The following PCSK5 variants were observed in gnomAD, a reference collection of about 807,000 sequenced individuals.
PCSK5 encodes the protein prohormone convertase 5.
Under a neutral mutation model 233.2 loss-of-function variants are expected in PCSK5, and 129 were observed. The ratio of observed to expected loss-of-function variants is 0.55; its 90% confidence interval spans 0.48 to 0.64. The LOEUF is 0.64. Ranked by LOEUF, PCSK5 falls within the 30% of genes least tolerant of loss-of-function variation. PCSK5 has a pLI of 0.00. For missense variants in PCSK5, 2,076 were observed against 2,430.1 expected (o/e 0.85, Z 3.06); for synonymous variants, 825 against 879.2 (o/e 0.94, Z 1.09).
intron 10 of PCSK5, among the ~76,000 whole-genome samples, chr9:76,146,338 G>A (rs1159244301): frequency 1.3e-5 from 2 of 151,360 alleles, no homozygotes; most frequent in Non-Finnish European, 3.0e-5. Context: ...AAAAAAAATA[G>A]CCAAAGCGTG....
intron 5 of PCSK5, among the ~76,000 whole-genome samples, chr9:76,067,046 G>T (rs1339981289): frequency 6.6e-6 from 1 of 152,124 alleles, no homozygotes; most frequent in Non-Finnish European, 1.5e-5. Flanking sequence ...GGTCAGTCTT[G>T]GTGTTCTTTC....
In PCSK5 at chr9:76,323,287, A is replaced by T; in HGVS notation, c.4338A>T (p.Arg1446Ser). Residue 1446 changes from arginine (R) to serine (S), a missense_variant and splice_region_variant, in exon 32 of 38, where the codon AGA (arginine) becomes AGT (serine). Physicochemically the swap from Arg to Ser is moderately radical, Grantham distance 110 (BLOSUM62 -1). Coordinates refer to ENST00000674117, the MANE Select transcript of PCSK5 (RefSeq NM_001372043.1). ...TYYEKETKEC[R>S]DCHKSCLTCS... ...ATGAAAAGGAGACTAAGGAGTGCAG[A>T]GGTAAAGACTTCTGGGATTCAAAAT... is the stretch of plus-strand genomic sequence containing the variant. 2 of 1,570,052 alleles carry T rather than the reference A, an allele frequency of 1.3e-6. No individual in the cohort carries two copies. The highest frequency in any genetic ancestry group is 1.8e-6 in the Non-Finnish European group (2 of 1,141,774).
At position 76,302,426 on chromosome 9, in the gene PCSK5, A is replaced by T. The variant is rs575691077; in HGVS notation, c.3604+209A>T. Among the ~76,000 whole-genome samples, 11 of 152,328 alleles carry T rather than the reference A, an allele frequency of 7.2e-5. No homozygotes were observed. In the East Asian group the frequency reaches 1.9e-3, roughly 27 times the overall value. On this transcript the variant is annotated intron_variant, in intron 28 of 37. Transcript: ENST00000674117. ...GAGGGAAGACTGTGAGAAGTTCCGC[A>T]GTGGAGATTTCTGTAACAGATAAGG...
intron 2 of PCSK5, among the ~76,000 whole-genome samples, chr9:75,958,896 G>A (rs1017787283): frequency 2.6e-5 from 4 of 152,210 alleles, no homozygotes; most frequent in Admixed American, 2.6e-4. Flanking sequence ...CATCCCCTGT[G>A]TCGCTTAACA....
intron 5 of PCSK5, among the ~76,000 whole-genome samples, chr9:76,036,058 T>C (rs1473697626): frequency 1.3e-5 from 2 of 152,172 alleles, no homozygotes; most frequent in Non-Finnish European, 2.9e-5. Flanking sequence ...TTATAGATTA[T>C]TCATTTTAAC....
At chr9:75,896,735 T>C (rs1329599539) in intron 1 of PCSK5, among the ~76,000 whole-genome samples, 1 of 152,328 alleles carries the variant, frequency 6.6e-6, no homozygotes, top group East Asian at 1.9e-4. Flanking sequence ...CATATACTTA[T>C]ATATGATATA....
intron 35 of PCSK5, among the ~76,000 whole-genome samples, chr9:76,350,117 A>G (rs923674840): frequency 6.6e-6 from 1 of 152,108 alleles, no homozygotes; most frequent in South Asian, 2.1e-4. Flanking sequence ...ATCTGAAAAA[A>G]AAAAAAAAGA....
At chr9:76,091,845 T>C (rs1831303086) in intron 7 of PCSK5, among the ~76,000 whole-genome samples, 1 of 152,198 alleles carries the variant, frequency 6.6e-6, no homozygotes, top group Admixed American at 6.5e-5. Context: ...CATGCTGTCC[T>C]TTGAGGTTTT....
intron 1 of PCSK5, among the ~76,000 whole-genome samples, chr9:75,928,333 C>G (rs1037078576): frequency 6.6e-6 from 1 of 151,836 alleles, no homozygotes. Context: ...TATTGAATAA[C>G]GTAACCACAA....
chr9:75,992,208 C>T (rs1377125122), intron 3 of PCSK5, among the ~76,000 whole-genome samples: 1 of 152,190 alleles, frequency 6.6e-6, no homozygotes, highest in Non-Finnish European at 1.5e-5. Context: ...AGCATCTCTT[C>T]ATCCTCTACA....
intron 8 of PCSK5, among the ~76,000 whole-genome samples, chr9:76,102,603 CA>C (rs1379982775): frequency 1.3e-5 from 2 of 152,122 alleles, no homozygotes; most frequent in Non-Finnish European, 2.9e-5. Flanking sequence ...CCATAATCTG[CA>C]AAAATTTGAA....
At chr9:76,063,361 T>C (rs1489354686) in intron 5 of PCSK5, among the ~76,000 whole-genome samples, 5 of 104,940 alleles carry the variant, frequency 4.8e-5, no homozygotes, top group Non-Finnish European at 9.6e-5. Context: ...TGATAATTCT[T>C]GGGTGTTTCT....
chr9:76,285,944 G>GA (rs1314708128), intron 24 of PCSK5, among the ~76,000 whole-genome samples: 10 of 151,856 alleles, frequency 6.6e-5, no homozygotes, highest in Non-Finnish European at 1.5e-4. Flanking sequence ...TAATAAATGA[G>GA]AAAAAAAGAG....
intron 21 of PCSK5, among the ~76,000 whole-genome samples, chr9:76,229,146 T>C (rs1045334935): frequency 7.9e-5 from 12 of 152,248 alleles, no homozygotes; most frequent in Non-Finnish European, 1.3e-4. Flanking sequence ...AAAATAACTA[T>C]GCCTCTAAAT....
At chr9:76,068,426 C>G in intron 6 of PCSK5, among the ~76,000 whole-genome samples, 1 of 152,042 alleles carries the variant, frequency 6.6e-6, no homozygotes, top group East Asian at 1.9e-4. Flanking sequence ...GTAATTCTCT[C>G]AAAGTGGAAA....
At chr9:76,351,640 GAAGA>G (rs367791437) in intron 36 of PCSK5, among the ~76,000 whole-genome samples, 2,138 of 118,834 alleles carry the variant, frequency 0.018, 54 homozygotes, top group African/African-American at 0.051. Context: ...GAGAGAGAAA[GAAGA>G]AAGAAAGAGA....
chr9:76,312,669 G>C (rs1454661892), intron 30 of PCSK5, among the ~76,000 whole-genome samples: 1 of 152,046 alleles, frequency 6.6e-6, no homozygotes, highest in African/African-American at 2.4e-5. Flanking sequence ...ATCCAATCTA[G>C]TGTAGAAAGC....
chr9:76,225,432 A>AT (rs1825858261), intron 20 of PCSK5, among the ~76,000 whole-genome samples: 2 of 152,034 alleles, frequency 1.3e-5, no homozygotes, highest in Admixed American at 6.6e-5. Context: ...CACTCAGCAT[A>AT]TTTTTTTGAA....
At chr9:76,070,193 G>C (rs1830435777) in intron 6 of PCSK5, among the ~76,000 whole-genome samples, 1 of 152,028 alleles carries the variant, frequency 6.6e-6, no homozygotes, top group East Asian at 1.9e-4. Flanking sequence ...GTAGAGACGG[G>C]GTTTCACCAT....
Sources: allele counts gnomAD v4.1 joint callset (sites outside exome capture counted in the v4.1 genomes callset), GRCh38; gene constraint gnomAD v4.1.1; transcripts MANE v1.5; gene names NCBI Gene and HGNC (gene_info 2026-07-23, HGNC 2026-07-21).